GCKR: variants seen among roughly 807,000 people sequenced by gnomAD.
The protein encoded by GCKR is glucokinase regulatory protein.
A neutral mutation model predicts 82.9 loss-of-function variants in GCKR; 73 were observed. The ratio of observed to expected loss-of-function variants is 0.88; its 90% confidence interval spans 0.73 to 1.07. The LOEUF (loss-of-function observed/expected upper bound fraction) is 1.07. Among genes scored for constraint, GCKR ranks in the 50% least tolerant of loss-of-function variants. The probability of loss-of-function intolerance (pLI) is 0.00; values close to 1 mark genes in which losing one functional copy is unlikely to be tolerated. For synonymous variants in GCKR, 294 were observed against 291.8 expected, an observed-to-expected ratio of 1.01 and a Z score of -0.08; for missense variants, 784 against 782.1, an observed-to-expected ratio of 1.00 and a Z score of -0.03.
chr2:27,502,163 C>A (rs1217589710), intron 8 of GCKR, among the ~76,000 whole-genome samples: 1 of 152,286 alleles, frequency 6.6e-6, no homozygotes, highest in Non-Finnish European at 1.5e-5. Flanking sequence ...TTCCAAGGTG[C>A]TTTTTCACCT....
intron 9 of GCKR, among the ~76,000 whole-genome samples, chr2:27,504,567 C>T (rs113428031): frequency 1.3e-5 from 2 of 151,682 alleles, no homozygotes; most frequent in East Asian, 2.0e-4. Context: ...AGGCTGGTCT[C>T]GAACTCCTGA....
rs1457506434 is a variant in GCKR, at chr2:27,512,253, A to AG, written c.1422+4002_1422+4003insG. Among the ~76,000 whole-genome samples the AG allele has an allele frequency of 1.3e-5, 2 of 149,354 alleles. 1 individual carries two copies. Among genetic ancestry groups the AG allele is most frequent in the Admixed American group, 1.3e-4 (2 of 14,930 alleles). On this transcript the variant is annotated intron_variant, in intron 16 of 18. Transcript: ENST00000264717. ...TCCATCTCAAAAAAAAAAAAAAAAA[A>AG]AAAGCCGGGCGTGGTGGCTCACGCC...
chr2:27,506,654 C>A, intron 11 of GCKR, 75 bp downstream of exon 11: 2 of 1,167,790 alleles, frequency 1.7e-6, no homozygotes, highest in South Asian at 1.2e-5. Context: ...CTCTGTGAGA[C>A]ATGTTAACAC....
At chr2:27,501,930 G>A (rs1669592436) in intron 8 of GCKR, 2 of 333,180 alleles carry the variant, frequency 6.0e-6, no homozygotes, top group South Asian at 2.6e-5. Context: ...TGATTTTGTA[G>A]GTTTGGAGTA....
chr2:27,496,918 A>G lies in GCKR; in HGVS notation c.14A>G (p.Lys5Arg), dbSNP rs775406361. MPGT[K>R]RFQHVIETPE... The stretch of plus-strand genomic sequence containing the variant: ...CAGCGTGGGACCATGCCAGGCACAA[A>G]ACGGTTTCAACATGTCATTGAGACC... The change falls in exon 1 of 19, where the codon AAA becomes AGA. Residue 5 changes from lysine (K) to arginine (R), a missense_variant. Physicochemically the swap from Lys to Arg is conservative, Grantham distance 26. Transcript: ENST00000264717. 6.8e-6 allele frequency: 11 copies of G among 1,613,592 alleles called. No homozygotes were observed. The highest frequency in any genetic ancestry group is 9.3e-6 in the Non-Finnish European group (11 of 1,179,644).
chr2:27,522,652 AG>A, intron 18 of GCKR, 58 bp downstream of exon 18: 1 of 1,470,432 alleles, frequency 6.8e-7, no homozygotes, highest in Non-Finnish European at 9.5e-7. Flanking sequence ...TCAGTGTGTC[AG>A]GAAGTTTGTT....
At chr2:27,507,410 A>G (rs546400198) in intron 13 of GCKR, 99 bp downstream of exon 13, 2 of 826,430 alleles carry the variant, frequency 2.4e-6, no homozygotes, top group African/African-American at 1.7e-5. Context: ...GTTCATTGGA[A>G]TAGACGGTCC....
Position 27,497,587 on chromosome 2 carries a change from C to T in GCKR, c.242C>T (p.Thr81Ile), listed in dbSNP as rs773712551. Residue 81 changes from threonine to isoleucine, a missense_variant, in exon 3 of 19, where the codon ACC (threonine) becomes ATC (isoleucine). By Grantham distance (89) the Thr-to-Ile change is moderately conservative. Coordinates refer to ENST00000264717, the MANE Select transcript of GCKR (RefSeq NM_001486.4). The stretch of plus-strand genomic sequence containing the variant: ...AGACTCTACAGCGAATCCATTCTGA[C>T]CACCATGGTACAGGTGGCTGGGAAA... ...YQRLYSESIL[T>I]TMVQVAGKVQ... 3 of 1,612,956 alleles carry T rather than the reference C, an allele frequency of 1.9e-6. No homozygotes were observed. In the East Asian group the frequency reaches 6.7e-5, roughly 36 times the overall value.
intron 17 of GCKR, among the ~76,000 whole-genome samples, chr2:27,519,944 G>A (rs1275492742): frequency 6.6e-6 from 1 of 152,088 alleles, no homozygotes; most frequent in East Asian, 1.9e-4. Flanking sequence ...GATACCAGAA[G>A]GAGTGGATGT....
rs779768324 is a variant in GCKR at position 27,497,638 on chromosome 2, C to T, written c.285+8C>T. ...GTTCAGGAAGTGCTGAAGGTACTAA[C>T]CTTCCTTCTGTTCCCTGCCTAAACT... On this transcript the variant is annotated splice_region_variant and intron_variant, in intron 3 of 18. Transcript: ENST00000264717. The T allele has an allele frequency of 4.4e-6, 7 of 1,576,688 alleles. No homozygotes were observed. Among genetic ancestry groups the T allele is most frequent in the South Asian group, 4.4e-5 (4 of 90,338 alleles).
In GCKR at chr2:27,496,920, C is replaced by CATGTCATTGAGACCA. The variant is rs762305405; in HGVS notation, c.16_17insATGTCATTGAGACCA (p.Lys5_Arg6insHisValIleGluThr). On this transcript the variant is annotated inframe_insertion, in exon 1 of 19. Transcript: ENST00000264717. ...GCGTGGGACCATGCCAGGCACAAAA[C>CATGTCATTGAGACCA]GGTTTCAACATGTCATTGAGACCCC... The CATGTCATTGAGACCA allele has an allele frequency of 2.4e-5, 39 of 1,613,660 alleles. No homozygotes were observed. Among genetic ancestry groups the CATGTCATTGAGACCA allele is most frequent in the Non-Finnish European group, 2.3e-5 (27 of 1,179,706 alleles).
chr2:27,506,212 A>T (rs1392635243), intron 10 of GCKR, among the ~76,000 whole-genome samples: 2 of 151,984 alleles, frequency 1.3e-5, no homozygotes, highest in East Asian at 1.9e-4. Context: ...TAGGCTGCTC[A>T]TGCCCCTTCC....
At position 27,518,922 on chromosome 2, in the gene GCKR, G is replaced by T; in HGVS notation, c.1557G>T (p.Ala519=). 1 of 1,613,000 alleles carries T rather than the reference G, an allele frequency of 6.2e-7. No individual in the cohort carries two copies. Among genetic ancestry groups the T allele is most frequent in the Non-Finnish European group, 8.5e-7 (1 of 1,179,462 alleles). The change falls in exon 17 of 19, where the codon GCG becomes GCT. Residue 519 remains alanine, a synonymous_variant. Coordinates refer to ENST00000264717, the MANE Select transcript of GCKR (RefSeq NM_001486.4). Reference sequence around the variant, plus strand: ...GCAACTCCAAGCTCTTCTGGCGGGCGCTGGCCATGCTGCAGGTAGGGATAT... The same window carrying T: ...GCAACTCCAAGCTCTTCTGGCGGGCTCTGGCCATGCTGCAGGTAGGGATAT... ...RISNSKLFWR[A]LAMLQRFSGQ...
chr2:27,523,527 G>A lies in GCKR; in HGVS notation c.*88G>A. ...GGGGACTTGTGCCAGCAGAACATGT[G>A]GGAGGAAGAAGCCCCGTTTCCAGGG... On this transcript the variant is annotated 3_prime_UTR_variant, in exon 19 of 19. Transcript: ENST00000264717. 1 of 1,365,512 alleles carries A rather than the reference G, an allele frequency of 7.3e-7. No individual in the cohort carries two copies. 84.6% of individuals were successfully genotyped at this position (1,365,512 alleles called of 1,614,324 possible). A position where few individuals can be genotyped will look rare whatever the true frequency, so the allele number is the denominator to read the frequency against.
chr2:27,512,235 C>CAAAAAAAA (rs60079696), intron 16 of GCKR, among the ~76,000 whole-genome samples: 1 of 46,216 alleles, frequency 2.2e-5, no homozygotes. Flanking sequence ...GACTCCATCT[C>CAAAAAAAA]AAAAAAAAAA....
intron 5 of GCKR, 92 bp from the exon 6 acceptor site, chr2:27,499,050 C>T (rs1669500661): frequency 1.2e-6 from 1 of 815,718 alleles, no homozygotes; most frequent in Non-Finnish European, 2.2e-6. Flanking sequence ...ATAGTTTTCC[C>T]TTTATGCGCA....
rs1296302285 is a variant in GCKR, at chr2:27,497,594, G to A, written c.249G>A (p.Met83Ile). ...RLYSESILTT[M>I]VQVAGKVQEV... is the part of the protein sequence containing the mutation. ...ACAGCGAATCCATTCTGACCACCAT[G>A]GTACAGGTGGCTGGGAAAGTTCAGG... Residue 83 changes from methionine (M) to isoleucine (I), a missense_variant, in exon 3 of 19, where the codon ATG becomes ATA. Physicochemically the swap from Met to Ile is conservative, Grantham distance 10. Transcript: ENST00000264717. The A allele has an allele frequency of 6.2e-7, 1 of 1,612,904 alleles. No homozygotes were observed. Among genetic ancestry groups the A allele is most frequent in the East Asian group, 2.2e-5 (1 of 44,880 alleles).
chr2:27,519,210 G>A (rs1275296805), intron 17 of GCKR, among the ~76,000 whole-genome samples: 1 of 152,172 alleles, frequency 6.6e-6, no homozygotes, highest in Non-Finnish European at 1.5e-5. Context: ...AAAGAAAATG[G>A]TGGCTGATAT....
At chr2:27,500,146 A>G (rs1323677521) in intron 7 of GCKR, among the ~76,000 whole-genome samples, 1 of 151,756 alleles carries the variant, frequency 6.6e-6, no homozygotes, top group Admixed American at 6.6e-5. Flanking sequence ...GCTGGAGTGC[A>G]GTGGCATAAT....
Sources: allele counts gnomAD v4.1 joint callset (sites outside exome capture counted in the v4.1 genomes callset), GRCh38; gene constraint gnomAD v4.1.1; transcripts MANE v1.5; gene names NCBI Gene and HGNC (gene_info 2026-07-23, HGNC 2026-07-21).